Variants in COL25A1 observed in about 807,000 individuals in gnomAD.
COL25A1 encodes the protein collagen alpha-1(XXV) chain.
A neutral mutation model predicts 128.4 loss-of-function variants in COL25A1; 103 were observed. The observed-to-expected ratio is 0.80, with a 90% CI of 0.68 to 0.94. The LOEUF is 0.94. COL25A1 is among the 40% of genes least tolerant of loss of function. The pLI, the probability that COL25A1 is intolerant of heterozygous loss-of-function variation, is 0.00. For missense variants in COL25A1, 745 were observed against 840.0 expected (o/e 0.89, Z 1.40); for synonymous variants, 279 against 277.2 (o/e 1.01, Z -0.06).
In COL25A1 at chr4:109,057,421, A is replaced by ATTTTTTTTTTTTTTTTTTTTTTTTTTTT. The variant is rs776941019; in HGVS notation, c.368-7270_368-7243dup. Among the ~76,000 whole-genome samples, 7 of 20,238 alleles carry ATTTTTTTTTTTTTTTTTTTTTTTTTTTT rather than the reference A, an allele frequency of 3.5e-4. 1 individual carries two copies. Among genetic ancestry groups the ATTTTTTTTTTTTTTTTTTTTTTTTTTTT allele is most frequent in the Admixed American group, 1.1e-3 (1 of 952 alleles). 13.3% of individuals were successfully genotyped at this position (20,238 alleles called of 152,430 possible). ...TAGCTGGGACCACCATGCCTAGCTAATTTTTTTTTTTTTTTTTTTTTTTTT... is the reference window on the plus strand; with the variant it reads ...TAGCTGGGACCACCATGCCTAGCTAATTTTTTTTTTTTTTTTTTTTTTTTTTTTTTTTTTTTTTTTTTTTTTTTTTTTT... On this transcript the variant is annotated intron_variant, in intron 3 of 37. Coordinates refer to ENST00000399132, the MANE Select transcript of COL25A1 (RefSeq NM_198721.4).
rs1419509423 is a variant in COL25A1, at chr4:108,844,543, A to ACCTGGTGGG, written c.1596_1604dup (p.Pro534_Pro536dup). On this transcript the variant is annotated inframe_insertion, in exon 30 of 38. Coordinates refer to ENST00000399132, the MANE Select transcript of COL25A1 (RefSeq NM_198721.4). The stretch of plus-strand genomic sequence containing the variant: ...CCATGGGGCCAGGTGGGCCATGGGG[A>ACCTGGTGGG]CCTGGTGGGCCTGGTGGGCCTATGA... The ACCTGGTGGG allele has an allele frequency of 6.2e-7, 1 of 1,613,716 alleles. No individual in the cohort carries two copies. Among genetic ancestry groups the ACCTGGTGGG allele is most frequent in the Non-Finnish European group, 8.5e-7 (1 of 1,179,800 alleles).
intron 3 of COL25A1, among the ~76,000 whole-genome samples, chr4:109,085,603 CACAAAAAG>C (rs1764279243): frequency 6.6e-6 from 1 of 152,124 alleles, no homozygotes; most frequent in African/African-American, 2.4e-5. Context: ...ATTTCCATTG[CACAAAAAG>C]CCATCAAGGG....
chr4:108,930,846 G>T (rs1216666959), intron 11 of COL25A1, among the ~76,000 whole-genome samples: 1 of 152,146 alleles, frequency 6.6e-6, no homozygotes, highest in Non-Finnish European at 1.5e-5. Context: ...TAGACACTTT[G>T]TATAAGGACT....
chr4:108,883,051 T>C (rs1740311502), intron 19 of COL25A1, among the ~76,000 whole-genome samples: 1 of 152,204 alleles, frequency 6.6e-6, no homozygotes, highest in Admixed American at 6.5e-5. Context: ...TATTTATTTT[T>C]CTTTTTTAGA....
chr4:109,254,469 TTATATATATATA>T lies in COL25A1; in HGVS notation c.367+46102_367+46113del, dbSNP rs55997800. ...GTGCTATGTACATGTAGGCATATGT[TTATATATATATA>T]TATATATATATATATATATATATAT... On this transcript the variant is annotated intron_variant, in intron 3 of 37. Coordinates refer to ENST00000399132, the MANE Select transcript of COL25A1 (RefSeq NM_198721.4). Among the ~76,000 whole-genome samples, 191 of 59,584 alleles carry T rather than the reference TTATATATATATA, an allele frequency of 3.2e-3. 11 individuals carry two copies. Among genetic ancestry groups the T allele is most frequent in the Middle Eastern group, 0.029 (2 of 70 alleles). 39.1% of individuals were successfully genotyped at this position (59,584 alleles called of 152,430 possible). A position where few individuals can be genotyped will look rare whatever the true frequency, so the allele number is the denominator to read the frequency against.
At chr4:108,957,421 G>C (rs1750194693) in intron 8 of COL25A1, among the ~76,000 whole-genome samples, 1 of 152,154 alleles carries the variant, frequency 6.6e-6, no homozygotes, top group Non-Finnish European at 1.5e-5. Flanking sequence ...AGTAATGGAA[G>C]AGCTTTAAGG....
rs1271918213 is a variant in COL25A1, at chr4:108,863,221, G to A, written c.1152+98C>T. ...TTTCAACAAACTATTTGTGATTTGGGCTGTTTTAATACCTGTTAAGAATGT... is the reference window on the plus strand; with the variant it reads ...TTTCAACAAACTATTTGTGATTTGGACTGTTTTAATACCTGTTAAGAATGT... On this transcript the variant is annotated intron_variant, in intron 21 of 37. Transcript: ENST00000399132. 8.3e-6 allele frequency: 9 copies of A among 1,081,582 alleles called. No individual in the cohort carries two copies. The Admixed American group carries it at 1.8e-4, about 22-fold the overall frequency. 67.0% of individuals were successfully genotyped at this position (1,081,582 alleles called of 1,614,324 possible). A position where few individuals can be genotyped will look rare whatever the true frequency, so the allele number is the denominator to read the frequency against.
Position 109,246,840 on chromosome 4 carries a change from T to G in COL25A1, c.367+53743A>C, listed in dbSNP as rs866292612. Among the ~76,000 whole-genome samples, 3 of 152,152 alleles carry G rather than the reference T, an allele frequency of 2.0e-5. No homozygotes were observed. The East Asian group carries it at 5.8e-4, about 29-fold the overall frequency. Reference sequence around the variant, plus strand: ...AGGGACACAAGGATGAAACCAAACATGAGTCCTATCTTCAAGCTTACGTGG... The same window carrying G: ...AGGGACACAAGGATGAAACCAAACAGGAGTCCTATCTTCAAGCTTACGTGG... On this transcript the variant is annotated intron_variant, in intron 3 of 37. Coordinates refer to ENST00000399132, the MANE Select transcript of COL25A1 (RefSeq NM_198721.4).
chr4:109,247,083 G>A (rs1269072617), intron 3 of COL25A1, among the ~76,000 whole-genome samples: 7 of 152,220 alleles, frequency 4.6e-5, no homozygotes, highest in Admixed American at 4.6e-4. Context: ...TAAGCTTGAG[G>A]CTGGGTGTGG....
chr4:108,942,837 G>A (rs991372375), intron 8 of COL25A1, among the ~76,000 whole-genome samples: 5 of 138,286 alleles, frequency 3.6e-5, no homozygotes, highest in African/African-American at 1.1e-4. Context: ...GCTCACTGAA[G>A]CCTCTGCCTC....
intron 28 of COL25A1, 85 bp from the exon 29 acceptor site, chr4:108,845,336 T>C: frequency 9.8e-7 from 1 of 1,018,390 alleles, no homozygotes; most frequent in South Asian, 1.3e-5. Context: ...AAACCCATTG[T>C]TCTCTTGACA....
At chr4:109,281,183 T>C (rs1723358450) in intron 3 of COL25A1, among the ~76,000 whole-genome samples, 1 of 152,152 alleles carries the variant, frequency 6.6e-6, no homozygotes, top group African/African-American at 2.4e-5. Flanking sequence ...GCAATATATA[T>C]ATTAGTTACC....
intron 3 of COL25A1, among the ~76,000 whole-genome samples, chr4:109,192,156 G>A (rs1246185196): frequency 6.6e-6 from 1 of 152,176 alleles, no homozygotes; most frequent in Non-Finnish European, 1.5e-5. Context: ...GTATGTGGAG[G>A]AGCAGTGGCA....
intron 6 of COL25A1, among the ~76,000 whole-genome samples, chr4:108,999,384 A>G (rs1488873301): frequency 1.3e-5 from 2 of 152,258 alleles, no homozygotes; most frequent in Admixed American, 6.5e-5. Context: ...ATCACTGGTC[A>G]TTAGAGAAAT....
At chr4:109,197,406 AATATATATTATATATTATATATAAATATT>A (rs1776154731) in intron 3 of COL25A1, among the ~76,000 whole-genome samples, 1 of 125,994 alleles carries the variant, frequency 7.9e-6, no homozygotes, top group Non-Finnish European at 1.6e-5. Flanking sequence ...TTATATATAA[AATATATATTATATATTATATATAAATATT>A]ATATATTATA....
intron 31 of COL25A1, among the ~76,000 whole-genome samples, chr4:108,839,528 T>G (rs1286801752): frequency 6.6e-6 from 1 of 152,218 alleles, no homozygotes; most frequent in East Asian, 1.9e-4. Context: ...TCCGTGGCTT[T>G]GCATGTGTGT....
intron 8 of COL25A1, among the ~76,000 whole-genome samples, chr4:108,943,432 A>C (rs1578843958): frequency 6.6e-6 from 1 of 152,134 alleles, no homozygotes; most frequent in East Asian, 1.9e-4. Context: ...CCACCCACAT[A>C]TCAAAATTTC....
At chr4:109,128,124 G>T (rs1336637131) in intron 3 of COL25A1, among the ~76,000 whole-genome samples, 6 of 152,156 alleles carry the variant, frequency 3.9e-5, no homozygotes, top group Non-Finnish European at 4.4e-5. Context: ...TAAAACAATA[G>T]CCAAGGAAGT....
chr4:109,123,523 A>G (rs1318942113), intron 3 of COL25A1, among the ~76,000 whole-genome samples: 1 of 152,042 alleles, frequency 6.6e-6, no homozygotes. Flanking sequence ...TGGCAAAAAT[A>G]GAGTTTAGGT....
Sources: allele counts gnomAD v4.1 joint callset (sites outside exome capture counted in the v4.1 genomes callset), GRCh38; gene constraint gnomAD v4.1.1; transcripts MANE v1.5; gene names NCBI Gene and HGNC (gene_info 2026-07-23, HGNC 2026-07-21).